DNAJB4: variants seen among roughly 807,000 people sequenced by gnomAD.
DNAJB4 encodes DnaJ heat shock protein family (Hsp40) member B4, also known as dnaJ homolog subfamily B member 4.
In DNAJB4, 10 loss-of-function variants were observed where a neutral mutation model predicts 26.6. That is an observed-to-expected ratio of 0.38 (90% CI 0.23 to 0.64). The LOEUF is 0.64. DNAJB4 is among the 30% of genes least tolerant of loss of function. DNAJB4 has a pLI of 0.58. For missense variants in DNAJB4, 328 were observed against 408.2 expected, an observed-to-expected ratio of 0.80 and a Z score of 1.69; for synonymous variants, 136 against 134.8, an observed-to-expected ratio of 1.01 and a Z score of -0.06.
At chr1:77,989,574 G>T (rs1659884924) in intron 1 of DNAJB4, among the ~76,000 whole-genome samples, 1 of 152,030 alleles carries the variant, frequency 6.6e-6, no homozygotes, top group South Asian at 2.1e-4. Context: ...ATATTTTTTT[G>T]AGGGCTCACC....
chr1:78,004,688 A>G (rs1299566164), upstream of DNAJB4: 1 of 168,698 alleles, frequency 5.9e-6, no homozygotes, highest in Non-Finnish European at 1.3e-5. Flanking sequence ...GTGTTGAAAT[A>G]TTGGCATGTT....
chr1:78,007,048 T>G (rs567716845), intron 1 of DNAJB4, among the ~76,000 whole-genome samples: 54 of 152,328 alleles, frequency 3.5e-4, no homozygotes, highest in African/African-American at 1.3e-3. Context: ...GATTTAACAT[T>G]ATCTCTTAAT....
intron 1 of DNAJB4, among the ~76,000 whole-genome samples, chr1:78,009,420 G>A (rs1342273106): frequency 5.3e-5 from 8 of 152,176 alleles, no homozygotes; most frequent in African/African-American, 1.7e-4. Context: ...CTGCAAACTG[G>A]TTGACTGGTT....
chr1:78,013,039 C>A lies in DNAJB4; in HGVS notation c.212-12C>A. Reference sequence around the variant, plus strand: ...CAAGCTTTTTTCTAATCATGCTTATCTCTTCAATTAGGGTTGAAAGGAGGA... The same window carrying A: ...CAAGCTTTTTTCTAATCATGCTTATATCTTCAATTAGGGTTGAAAGGAGGA... On this transcript the variant is annotated splice_polypyrimidine_tract_variant and intron_variant, in intron 1 of 2. Coordinates refer to ENST00000370763, the MANE Select transcript of DNAJB4 (RefSeq NM_007034.5). 1 of 1,558,922 alleles carries A rather than the reference C, an allele frequency of 6.4e-7. No individual in the cohort carries two copies.
intron 1 of DNAJB4, among the ~76,000 whole-genome samples, chr1:77,992,442 A>G (rs1659955394): frequency 6.7e-6 from 1 of 149,828 alleles, no homozygotes; most frequent in African/African-American, 2.4e-5. Flanking sequence ...AAAAAAGAAC[A>G]TAACAAATGA....
At chr1:77,990,372 A>G (rs1270590354) in intron 1 of DNAJB4, among the ~76,000 whole-genome samples, 1 of 152,190 alleles carries the variant, frequency 6.6e-6, no homozygotes, top group African/African-American at 2.4e-5. Flanking sequence ...TTTGTCTCCA[A>G]CTAATATTTC....
At chr1:78,013,672 T>C in intron 2 of DNAJB4, 53 bp downstream of exon 2, 3 of 1,344,696 alleles carry the variant, frequency 2.2e-6, no homozygotes, top group Non-Finnish European at 3.0e-6. Context: ...TAGTTGATCA[T>C]AGGGAGTGTA....
intron 1 of DNAJB4, among the ~76,000 whole-genome samples, chr1:78,011,932 TTTA>T (rs1474179477): frequency 6.7e-6 from 1 of 148,724 alleles, no homozygotes; most frequent in Non-Finnish European, 1.5e-5. Flanking sequence ...TGCTATATAT[TTTA>T]TTAATATATT....
chr1:78,006,903 T>C (rs1027120103), intron 1 of DNAJB4, among the ~76,000 whole-genome samples: 1 of 152,218 alleles, frequency 6.6e-6, no homozygotes, highest in South Asian at 2.1e-4. Context: ...AAAGCAGATA[T>C]CCACTGCTTT....
At chr1:77,987,902 T>C (rs900451215) in intron 1 of DNAJB4, among the ~76,000 whole-genome samples, 1 of 148,862 alleles carries the variant, frequency 6.7e-6, no homozygotes, top group Non-Finnish European at 1.5e-5. Flanking sequence ...TATGTATATA[T>C]GTATATATAT....
chr1:78,015,677 G>A (rs1660622892), intron 2 of DNAJB4, among the ~76,000 whole-genome samples: 1 of 150,912 alleles, frequency 6.6e-6, no homozygotes, highest in Non-Finnish European at 1.5e-5. Context: ...AGCTTCCCGA[G>A]TAGCTGGGAT....
At chr1:77,992,412 CAAAAAAA>C (rs67649336) in intron 1 of DNAJB4, among the ~76,000 whole-genome samples, 2 of 47,742 alleles carry the variant, frequency 4.2e-5, no homozygotes, top group African/African-American at 8.2e-5. Flanking sequence ...GACTCCGTCT[CAAAAAAA>C]AAAAAAAAAA....
intron 1 of DNAJB4, among the ~76,000 whole-genome samples, chr1:77,996,738 T>C (rs1660067911): frequency 6.6e-6 from 1 of 152,322 alleles, no homozygotes. Context: ...AAAATGGAAA[T>C]TTTGATGATA....
chr1:78,006,471 T>C (rs1372524338), intron 1 of DNAJB4, among the ~76,000 whole-genome samples: 1 of 152,234 alleles, frequency 6.6e-6, no homozygotes, highest in Admixed American at 6.5e-5. Context: ...CATCAAATTT[T>C]CCTAATTAGA....
intron 1 of DNAJB4, among the ~76,000 whole-genome samples, chr1:77,989,339 A>G (rs965075504): frequency 1.3e-5 from 2 of 152,054 alleles, no homozygotes; most frequent in Non-Finnish European, 1.5e-5. Context: ...ATCCTCCTCT[A>G]TATTGTTTTC....
chr1:78,013,458 G>C lies in DNAJB4; in HGVS notation c.619G>C (p.Gly207Arg), dbSNP rs1660550723. ...AATTCTTACCATTGAGATTAAAAAA[G>C]GGTGGAAAGAAGGCACCAAAATTAC... Reference protein sequence around the residue: ...DKILTIEIKKGWKEGTKITFP... With the variant: ...DKILTIEIKKRWKEGTKITFP... Residue 207 changes from glycine to arginine, a missense_variant, in exon 2 of 3, where the codon GGG (glycine) becomes CGG (arginine). Gly to Arg is a moderately radical substitution (Grantham distance 125). Transcript: ENST00000370763. The C allele has an allele frequency of 6.2e-7, 1 of 1,614,012 alleles. No homozygotes were observed. Among genetic ancestry groups the C allele is most frequent in the African/African-American group, 1.3e-5 (1 of 74,930 alleles).
At chr1:78,000,637 C>G (rs1361124880), upstream of DNAJB4, among the ~76,000 whole-genome samples, 1 of 152,092 alleles carries the variant, frequency 6.6e-6, no homozygotes, top group African/African-American at 2.4e-5. Context: ...TTTGCTTATT[C>G]TTGGACAGGA....
upstream of DNAJB4, among the ~76,000 whole-genome samples, chr1:78,001,139 G>A (rs963282556): frequency 2.0e-5 from 3 of 152,226 alleles, no homozygotes; most frequent in African/African-American, 7.2e-5. Context: ...GAGCTCAGGA[G>A]TTGGAGACTA....
chr1:77,994,474 T>C (rs75238833), intron 1 of DNAJB4, among the ~76,000 whole-genome samples: 3,935 of 152,190 alleles, frequency 0.026, 161 homozygotes, highest in Admixed American at 0.12. Context: ...AATCAGTTTG[T>C]TGCAGTCTTG....
Sources: allele counts gnomAD v4.1 joint callset (sites outside exome capture counted in the v4.1 genomes callset), GRCh38; gene constraint gnomAD v4.1.1; transcripts MANE v1.5; gene names NCBI Gene and HGNC (gene_info 2026-07-23, HGNC 2026-07-21).